MALRD1: variants seen among roughly 807,000 people sequenced by gnomAD.
MALRD1 encodes MAM and LDL receptor class A domain containing 1.
MALRD1 carries 247 observed loss-of-function variants against 242.1 expected under a neutral mutation model. The ratio of observed to expected loss-of-function variants is 1.02; its 90% CI spans 0.92 to 1.13. The LOEUF is 1.13. MALRD1 is among the 50% of genes most tolerant of loss of function. The pLI is 0.00. For missense variants in MALRD1, 2,989 were observed against 2,533.1 expected (o/e 1.18, Z -3.86); for synonymous variants, 995 against 866.6 (o/e 1.15, Z -2.60).
chr10:19,611,388 C>G (rs536686702), intron 35 of MALRD1, among the ~76,000 whole-genome samples: 1 of 151,930 alleles, frequency 6.6e-6, no homozygotes, highest in Non-Finnish European at 1.5e-5. Flanking sequence ...TTTCTATTTA[C>G]GTTTAAAAGT....
intron 21 of MALRD1, among the ~76,000 whole-genome samples, chr10:19,289,847 T>A (rs2131914565): frequency 1.3e-5 from 2 of 152,314 alleles, no homozygotes; most frequent in South Asian, 4.1e-4. Flanking sequence ...AAGATTAGTT[T>A]TAAAAATTGG....
intron 34 of MALRD1, among the ~76,000 whole-genome samples, chr10:19,605,893 T>G (rs761263085): frequency 6.6e-6 from 1 of 152,144 alleles, no homozygotes; most frequent in African/African-American, 2.4e-5. Context: ...CTCTACATTC[T>G]CAGTTCTAAG....
intron 19 of MALRD1, among the ~76,000 whole-genome samples, chr10:19,258,137 A>G (rs1473176854): frequency 6.6e-6 from 1 of 152,122 alleles, no homozygotes; most frequent in African/African-American, 2.4e-5. Context: ...TACTCTCGGG[A>G]GGCACTTTAA....
Position 19,713,044 on chromosome 10 carries a change from A to G in MALRD1, c.6315-17662A>G, listed in dbSNP as rs551223098. Reference sequence around the variant, plus strand: ...AATAATTCTTAGAAACCAGAAATGAAGGGGGGGGTTCCTCTTTCAGCTTTG... The same window carrying G: ...AATAATTCTTAGAAACCAGAAATGAGGGGGGGGGTTCCTCTTTCAGCTTTG... On this transcript the variant is annotated intron_variant, in intron 38 of 39. Transcript: ENST00000454679. Among the ~76,000 whole-genome samples the G allele has an allele frequency of 2.1e-3, 305 of 147,690 alleles. 1 individual carries two copies. The highest frequency in any genetic ancestry group is 7.5e-3 in the African/African-American group (289 of 38,594).
intron 36 of MALRD1, among the ~76,000 whole-genome samples, chr10:19,684,509 A>G (rs1379461980): frequency 1.3e-5 from 2 of 152,194 alleles, no homozygotes; most frequent in Non-Finnish European, 2.9e-5. Flanking sequence ...TAATTCCAGC[A>G]CTTGGGGAGG....
intron 22 of MALRD1, among the ~76,000 whole-genome samples, chr10:19,325,302 G>A (rs114409677): frequency 0.021 from 3,138 of 151,884 alleles, 58 homozygotes; most frequent in African/African-American, 0.038. Context: ...CTCTAAAAAG[G>A]CCCATTATTC....
chr10:19,459,491 C>T (rs1008168959), intron 29 of MALRD1, among the ~76,000 whole-genome samples: 7 of 152,020 alleles, frequency 4.6e-5, no homozygotes. Flanking sequence ...GCCTTAGAGC[C>T]CAATTACTTG....
chr10:19,209,309 T>C lies in MALRD1; in HGVS notation c.2620T>C (p.Trp874Arg). 6.5e-7 allele frequency: 1 copy of C among 1,548,042 alleles called. No individual in the cohort carries two copies. Residue 874 changes from tryptophan (W) to arginine (R), a missense_variant, in exon 18 of 40, where the codon TGG (tryptophan) becomes CGG (arginine). By Grantham distance (101) the Trp-to-Arg change is moderately radical. Transcript: ENST00000454679. ...QCNFETGICN[W>R]EQDAKDDFDW... is the part of the protein sequence containing the mutation. ...TAACTTTGAAACTGGAATCTGTAAC[T>C]GGGAACAAGATGCAAAAGATGACTT...
At chr10:19,428,875 G>C (rs373302530) in intron 28 of MALRD1, among the ~76,000 whole-genome samples, 11 of 152,158 alleles carry the variant, frequency 7.2e-5, no homozygotes, top group African/African-American at 2.6e-4. Context: ...AGTCTAAAAA[G>C]CTCTGAAGCT....
At chr10:19,456,064 C>G (rs1184384569) in intron 29 of MALRD1, among the ~76,000 whole-genome samples, 1 of 152,018 alleles carries the variant, frequency 6.6e-6, no homozygotes, top group African/African-American at 2.4e-5. Flanking sequence ...CTAGAAAATT[C>G]AATTGAATGA....
intron 38 of MALRD1, among the ~76,000 whole-genome samples, chr10:19,706,527 T>C (rs1019993005): frequency 2.0e-5 from 3 of 152,002 alleles, no homozygotes; most frequent in Admixed American, 1.3e-4. Context: ...ATTTTTGTAT[T>C]TTTAGTAGAG....
At chr10:19,329,414 C>A (rs974000844) in intron 23 of MALRD1, among the ~76,000 whole-genome samples, 1 of 87,622 alleles carries the variant, frequency 1.1e-5, no homozygotes, top group Non-Finnish European at 2.4e-5. Flanking sequence ...TATTTGGGAC[C>A]CCCCCCCAAT....
intron 21 of MALRD1, among the ~76,000 whole-genome samples, chr10:19,289,423 G>A (rs373641171): frequency 2.3e-4 from 35 of 152,256 alleles, no homozygotes; most frequent in South Asian, 1.5e-3. Flanking sequence ...TTGCTAATTA[G>A]CATCAATATA....
chr10:19,487,363 G>GT (rs11415205), intron 29 of MALRD1, among the ~76,000 whole-genome samples: 120,788 of 150,596 alleles, frequency 0.8, 48,734 homozygotes, highest in East Asian at 0.98. Flanking sequence ...TTTTTTATTT[G>GT]TTTATTTTTC....
rs567535232 is a variant in MALRD1, at chr10:19,575,522, C to G, written c.5680+7819C>G. ...ACACACACACACACACAAACACACA[C>G]TTACTCAGCATTACTAATAGAGATT... On this transcript the variant is annotated intron_variant, in intron 33 of 39. Transcript: ENST00000454679. Among the ~76,000 whole-genome samples the G allele has an allele frequency of 2.6e-5, 4 of 151,190 alleles. No individual in the cohort carries two copies. The South Asian group carries it at 8.3e-4, about 31-fold the overall frequency.
At chr10:19,291,201 C>A (rs1841407387) in intron 21 of MALRD1, among the ~76,000 whole-genome samples, 1 of 152,102 alleles carries the variant, frequency 6.6e-6, no homozygotes, top group Non-Finnish European at 1.5e-5. Flanking sequence ...TAAAGTTCCT[C>A]ACACTTCATT....
At chr10:19,468,822 G>C (rs12263602) in intron 29 of MALRD1, among the ~76,000 whole-genome samples, 7,204 of 151,958 alleles carry the variant, frequency 0.047, 570 homozygotes, top group African/African-American at 0.16. Context: ...TGTTCTTTTT[G>C]GTTCTGATAC....
At chr10:19,493,835 C>A (rs186632926) in intron 30 of MALRD1, among the ~76,000 whole-genome samples, 1 of 151,528 alleles carries the variant, frequency 6.6e-6, no homozygotes, top group East Asian at 1.9e-4. Context: ...ACAAAAAACA[C>A]GACAAAAGTG....
chr10:19,068,955 T>A (rs1377106101), intron 2 of MALRD1, among the ~76,000 whole-genome samples: 1 of 152,112 alleles, frequency 6.6e-6, no homozygotes, highest in Non-Finnish European at 1.5e-5. Context: ...GTAGTACTGA[T>A]TTTTAAAAGA....
Sources: gnomAD v4.1 joint callset for allele counts (sites outside exome capture counted in the v4.1 genomes callset) on GRCh38, gnomAD v4.1.1 for gene constraint, MANE v1.5 for transcripts, NCBI Gene and HGNC (gene_info 2026-07-23, HGNC 2026-07-21) for gene names.